Variants in MARCHF10 observed in about 807,000 individuals in gnomAD.
MARCHF10 encodes the protein membrane associated ring-CH-type finger 10, also known as probable E3 ubiquitin-protein ligase MARCHF10.
In MARCHF10, 64 loss-of-function variants were observed where a neutral mutation model predicts 76.2. That is an observed-to-expected ratio of 0.84 (90% confidence interval 0.69 to 1.03). The LOEUF is 1.03. Ranked by LOEUF, MARCHF10 falls within the 50% of genes least tolerant of loss-of-function variation. The pLI is 0.00. For missense variants in MARCHF10, 875 were observed against 958.0 expected (o/e 0.91, Z 1.14); for synonymous variants, 340 against 357.5 (o/e 0.95, Z 0.55).
At chr17:62,785,939 T>C (rs2092738216) in intron 3 of MARCHF10, among the ~76,000 whole-genome samples, 1 of 152,188 alleles carries the variant, frequency 6.6e-6, no homozygotes, top group East Asian at 1.9e-4. Context: ...AGAGTGTAAA[T>C]TAGTTCAACC....
chr17:62,786,587 C>T (rs2092751910), intron 3 of MARCHF10, among the ~76,000 whole-genome samples: 1 of 151,946 alleles, frequency 6.6e-6, no homozygotes, highest in Admixed American at 6.6e-5. Flanking sequence ...GAAATAAGAG[C>T]CATATAAACT....
chr17:62,762,401 A>T (rs979570746), intron 3 of MARCHF10, among the ~76,000 whole-genome samples: 7 of 152,344 alleles, frequency 4.6e-5, no homozygotes, highest in Non-Finnish European at 1.0e-4. Context: ...TGTAAACCGA[A>T]GGTACAATGG....
At chr17:62,774,910 C>T (rs1318914651) in intron 3 of MARCHF10, among the ~76,000 whole-genome samples, 3 of 151,720 alleles carry the variant, frequency 2.0e-5, no homozygotes, top group Non-Finnish European at 4.4e-5. Flanking sequence ...AAAAATTAGC[C>T]GGGTGTGGTA....
intron 4 of MARCHF10, among the ~76,000 whole-genome samples, chr17:62,751,485 A>C (rs898211922): frequency 1.3e-5 from 2 of 152,134 alleles, no homozygotes; most frequent in Non-Finnish European, 1.5e-5. Flanking sequence ...TTGGAAAAGC[A>C]AGGATCTGAG....
chr17:62,795,616 C>T (rs2092972173), intron 2 of MARCHF10, among the ~76,000 whole-genome samples: 1 of 152,170 alleles, frequency 6.6e-6, no homozygotes, highest in Non-Finnish European at 1.5e-5. Context: ...CCTGCAAAGA[C>T]ACTGAGAATT....
At chr17:62,796,422 T>C (rs1251749555) in intron 2 of MARCHF10, among the ~76,000 whole-genome samples, 1 of 152,268 alleles carries the variant, frequency 6.6e-6, no homozygotes, top group Non-Finnish European at 1.5e-5. Flanking sequence ...GCCATTTACT[T>C]ACTTCAATGA....
chr17:62,797,549 G>T (rs1173891890), intron 2 of MARCHF10, among the ~76,000 whole-genome samples: 1 of 152,180 alleles, frequency 6.6e-6, no homozygotes, highest in East Asian at 1.9e-4. Flanking sequence ...TGAGCACAGA[G>T]ATTCCCTTTA....
intron 3 of MARCHF10, among the ~76,000 whole-genome samples, chr17:62,762,096 A>G (rs1413643494): frequency 6.6e-6 from 1 of 152,110 alleles, no homozygotes; most frequent in Non-Finnish European, 1.5e-5. Flanking sequence ...ATCCATTTCC[A>G]TTACCCCCAG....
At chr17:62,718,124 G>A (rs1173092218) in intron 8 of MARCHF10, among the ~76,000 whole-genome samples, 4 of 152,128 alleles carry the variant, frequency 2.6e-5, no homozygotes, top group East Asian at 1.9e-4. Context: ...TGATGTACTC[G>A]AGTCTTTTCC....
intron 3 of MARCHF10, among the ~76,000 whole-genome samples, chr17:62,774,044 G>C (rs1233671619): frequency 6.6e-6 from 1 of 152,212 alleles, no homozygotes; most frequent in African/African-American, 2.4e-5. Context: ...CGTCAGTGTG[G>C]AGCGGACAAT....
At chr17:62,799,746 C>CA (rs1304992460) in intron 2 of MARCHF10, among the ~76,000 whole-genome samples, 3,658 of 109,610 alleles carry the variant, frequency 0.033, 54 homozygotes, top group African/African-American at 0.065. Context: ...AACTCTGTCT[C>CA]AAAAAAAAAA....
intron 6 of MARCHF10, chr17:62,735,678 G>C (rs1282069300): frequency 6.3e-6 from 3 of 478,482 alleles, no homozygotes; most frequent in Non-Finnish European, 1.1e-5. Context: ...GCAGACTTAA[G>C]GGTGTGGTAT....
chr17:62,759,966 G>T lies in MARCHF10; in HGVS notation c.251C>A (p.Ser84Tyr), dbSNP rs751226833. ...ACACTTAAATGCAGATATCTTGATAGATGACCTTGGTTCAGTTAGAGCATC... is the reference window on the plus strand; with the variant it reads ...ACACTTAAATGCAGATATCTTGATATATGACCTTGGTTCAGTTAGAGCATC... Reference protein sequence around the residue: ...EEDALTEPRSSIKISAFKCDS... With the variant: ...EEDALTEPRSYIKISAFKCDS... Residue 84 changes from serine to tyrosine, a missense_variant, in exon 4 of 11, where the codon TCT becomes TAT. By Grantham distance (144) the Ser-to-Tyr change is moderately radical. Coordinates refer to ENST00000311269, the MANE Select transcript of MARCHF10 (RefSeq NM_152598.4). The T allele has an allele frequency of 1.2e-6, 2 of 1,614,038 alleles. No individual in the cohort carries two copies. Among genetic ancestry groups the T allele is most frequent in the Non-Finnish European group, 1.7e-6 (2 of 1,179,964 alleles).
In MARCHF10 at chr17:62,741,838, G is replaced by A. The variant is rs150381238; in HGVS notation, c.535+2538C>T. 6.6e-3 allele frequency among the ~76,000 whole-genome samples: 999 copies of A among 151,758 alleles called. 9 individuals carry two copies. Among genetic ancestry groups the A allele is most frequent in the African/African-American group, 0.023 (938 of 41,354 alleles). On this transcript the variant is annotated intron_variant, in intron 5 of 10. Coordinates refer to ENST00000311269, the MANE Select transcript of MARCHF10 (RefSeq NM_152598.4). The stretch of plus-strand genomic sequence containing the variant: ...GCCTCCCGAGTAGCTGGGACTACAG[G>A]TGCCCGCCACCACGCCTGGCTAATT...
chr17:62,800,851 G>C (rs2093059624), intron 2 of MARCHF10, among the ~76,000 whole-genome samples: 1 of 152,134 alleles, frequency 6.6e-6, no homozygotes, highest in Non-Finnish European at 1.5e-5. Context: ...GTGTGTTTTG[G>C]TTTTGCACGT....
intron 6 of MARCHF10, among the ~76,000 whole-genome samples, chr17:62,729,239 G>A (rs997604161): frequency 6.6e-6 from 1 of 151,902 alleles, no homozygotes; most frequent in Non-Finnish European, 1.5e-5. Context: ...CACTGTGCCT[G>A]GCCTGAAGGA....
intron 3 of MARCHF10, among the ~76,000 whole-genome samples, chr17:62,767,498 C>T (rs35372054): frequency 0.49 from 70,743 of 144,464 alleles, 18,888 homozygotes; most frequent in East Asian, 0.7. Context: ...TCGCCCAGGC[C>T]GGAGTGCAGT....
At chr17:62,717,110 T>A (rs541048663) in intron 8 of MARCHF10, among the ~76,000 whole-genome samples, 1 of 152,356 alleles carries the variant, frequency 6.6e-6, no homozygotes, top group South Asian at 2.1e-4. Context: ...AACAGTTGCT[T>A]CAGTCTTTAT....
At chr17:62,734,190 A>G (rs2091159594) in intron 6 of MARCHF10, among the ~76,000 whole-genome samples, 1 of 152,156 alleles carries the variant, frequency 6.6e-6, no homozygotes, top group African/African-American at 2.4e-5. Context: ...TCAAGAAAAA[A>G]AAACAAAAAA....
Sources: gnomAD v4.1 joint callset for allele counts (sites outside exome capture counted in the v4.1 genomes callset) on GRCh38, gnomAD v4.1.1 for gene constraint, MANE v1.5 for transcripts, NCBI Gene and HGNC (gene_info 2026-07-23, HGNC 2026-07-21) for gene names.